Variants in KCNN2 observed in about 807,000 individuals in gnomAD.
KCNN2 encodes the protein small conductance calcium-activated potassium channel protein 2.
In KCNN2, 24 loss-of-function variants were observed where a neutral mutation model predicts 55.5. That is an observed-to-expected ratio of 0.43 (90% confidence interval 0.31 to 0.61). The LOEUF is 0.61. KCNN2 is among the 20% of genes least tolerant of loss of function. The pLI is 0.08. For missense variants in KCNN2, 754 were observed against 853.6 expected, an observed-to-expected ratio of 0.88 and a Z score of 1.45; for synonymous variants, 431 against 336.1, an observed-to-expected ratio of 1.28 and a Z score of -3.09.
At chr5:114,356,375 G>A (rs996481579) in intron 2 of KCNN2, among the ~76,000 whole-genome samples, 1 of 152,122 alleles carries the variant, frequency 6.6e-6, no homozygotes, top group African/African-American at 2.4e-5. Flanking sequence ...CTAGATTTGG[G>A]TGTTGTGTTT....
At chr5:114,241,808 A>G (rs367747433) in intron 2 of KCNN2, among the ~76,000 whole-genome samples, 9,826 of 29,146 alleles carry the variant, frequency 0.34, 3,311 homozygotes, top group Non-Finnish European at 0.47. Flanking sequence ...ATATATACGT[A>G]TATATATATA....
chr5:114,461,336 GC>G (rs1441369377), intron 3 of KCNN2, among the ~76,000 whole-genome samples: 1 of 152,168 alleles, frequency 6.6e-6, no homozygotes, highest in Non-Finnish European at 1.5e-5. Flanking sequence ...GGACTTTACA[GC>G]TAGGTCATGG....
intron 2 of KCNN2, among the ~76,000 whole-genome samples, chr5:114,224,267 C>G (rs1754200187): frequency 6.6e-6 from 1 of 152,130 alleles, no homozygotes; most frequent in Non-Finnish European, 1.5e-5. Flanking sequence ...ACTTGTTTTG[C>G]TTGCCTTCTC....
chr5:114,171,648 T>G (rs1407941717), intron 1 of KCNN2, among the ~76,000 whole-genome samples: 2 of 148,744 alleles, frequency 1.3e-5, no homozygotes, highest in African/African-American at 4.9e-5. Context: ...TTTAAAATTG[T>G]GGAATTCCAG....
At chr5:114,412,726 A>G (rs1392311382) in intron 3 of KCNN2, among the ~76,000 whole-genome samples, 6 of 152,228 alleles carry the variant, frequency 3.9e-5, no homozygotes, top group Admixed American at 3.9e-4. Flanking sequence ...TCCCAGCACT[A>G]GCCATTAGAG....
At chr5:114,379,788 T>C (rs1758059525) in intron 2 of KCNN2, among the ~76,000 whole-genome samples, 1 of 141,954 alleles carries the variant, frequency 7.0e-6, no homozygotes, top group Non-Finnish European at 1.5e-5. Flanking sequence ...AACATATATA[T>C]TTATAGAATA....
intron 2 of KCNN2, chr5:114,253,808 A>G (rs1186991618): frequency 6.6e-6 from 1 of 152,152 alleles, no homozygotes; most frequent in Admixed American, 6.5e-5. Context: ...TAGGCTTTTT[A>G]CAGATTATGA....
At chr5:114,222,202 A>G (rs1754153586) in intron 2 of KCNN2, among the ~76,000 whole-genome samples, 1 of 152,244 alleles carries the variant, frequency 6.6e-6, no homozygotes, top group African/African-American at 2.4e-5. Context: ...CAAGGAATAA[A>G]AAGGGGAGTA....
chr5:114,484,400 G>A (rs1762361682), intron 5 of KCNN2, among the ~76,000 whole-genome samples: 1 of 152,134 alleles, frequency 6.6e-6, no homozygotes, highest in Non-Finnish European at 1.5e-5. Context: ...TACACTAAAA[G>A]CCCAGGCTTC....
chr5:114,197,201 A>G (rs768961923), intron 1 of KCNN2, among the ~76,000 whole-genome samples: 4 of 152,058 alleles, frequency 2.6e-5, no homozygotes, highest in Non-Finnish European at 5.9e-5. Flanking sequence ...CATACTTTCT[A>G]TTATTCTAAT....
chr5:114,198,234 T>C (rs1208121902), intron 1 of KCNN2, among the ~76,000 whole-genome samples: 1 of 151,562 alleles, frequency 6.6e-6, no homozygotes. Context: ...CTCTGGCTCC[T>C]ATATAATATT....
intron 2 of KCNN2, among the ~76,000 whole-genome samples, chr5:114,327,489 CTT>C (rs1364956556): frequency 6.6e-6 from 1 of 152,136 alleles, no homozygotes; most frequent in Admixed American, 6.5e-5. Flanking sequence ...AGTCACATGT[CTT>C]TTCTGAAAAG....
intron 2 of KCNN2, among the ~76,000 whole-genome samples, chr5:114,228,215 A>G (rs1324306415): frequency 6.6e-6 from 1 of 152,140 alleles, no homozygotes; most frequent in Admixed American, 6.5e-5. Context: ...TTCAACTGAA[A>G]AAGTAGTAAA....
At chr5:114,461,748 A>G (rs1761210726) in intron 3 of KCNN2, among the ~76,000 whole-genome samples, 1 of 150,944 alleles carries the variant, frequency 6.6e-6, no homozygotes, top group African/African-American at 2.4e-5. Context: ...AAAAAAGCAT[A>G]GCGAATGCCA....
intron 1 of KCNN2, among the ~76,000 whole-genome samples, chr5:114,119,027 A>C (rs972141953): frequency 6.6e-6 from 1 of 152,206 alleles, no homozygotes; most frequent in African/African-American, 2.4e-5. Flanking sequence ...TGGATATAAC[A>C]AGGAACAAGC....
At chr5:114,356,779 T>C (rs1047478475) in intron 2 of KCNN2, among the ~76,000 whole-genome samples, 2 of 152,172 alleles carry the variant, frequency 1.3e-5, no homozygotes, top group Non-Finnish European at 2.9e-5. Flanking sequence ...ATGATTTTTA[T>C]GTTTTCTTCA....
chr5:114,205,336 G>A (rs1418015280), intron 1 of KCNN2, among the ~76,000 whole-genome samples: 1 of 152,164 alleles, frequency 6.6e-6, no homozygotes, highest in African/African-American at 2.4e-5. Context: ...GATTCTAATG[G>A]CACTAAAGTA....
intron 3 of KCNN2, among the ~76,000 whole-genome samples, chr5:114,452,603 A>AG (rs1205245616): frequency 6.6e-6 from 1 of 152,238 alleles, no homozygotes; most frequent in African/African-American, 2.4e-5. Flanking sequence ...ACTAGATAGC[A>AG]CATTAAAATC....
chr5:114,444,545 T>G (rs571919534), intron 3 of KCNN2, among the ~76,000 whole-genome samples: 4 of 152,074 alleles, frequency 2.6e-5, no homozygotes, highest in Admixed American at 6.6e-5. Flanking sequence ...CCAAAAAGAA[T>G]GCTCAATTTG....
Sources: gnomAD v4.1 joint callset for allele counts (sites outside exome capture counted in the v4.1 genomes callset) on GRCh38, gnomAD v4.1.1 for gene constraint, MANE v1.5 for transcripts, NCBI Gene and HGNC (gene_info 2026-07-23, HGNC 2026-07-21) for gene names.